PHACTR1: variants seen among roughly 807,000 people sequenced by gnomAD.
The protein encoded by PHACTR1 is phosphatase and actin regulator 1, also known as RPEL repeat containing 1.
A neutral mutation model predicts 69.2 loss-of-function variants in PHACTR1; 16 were observed. The observed-to-expected ratio is 0.23, with a 90% CI of 0.16 to 0.35. The LOEUF is 0.35. PHACTR1 is among the 10% of genes least tolerant of loss of function. The probability of loss-of-function intolerance (pLI) is 1.00; values close to 1 mark genes in which losing one functional copy is unlikely to be tolerated. For missense variants in PHACTR1, 510 were observed against 734.7 expected (o/e 0.69, Z 3.54); for synonymous variants, 312 against 284.5 (o/e 1.10, Z -0.97).
chr6:12,797,979 A>G (rs1773249721), intron 4 of PHACTR1, among the ~76,000 whole-genome samples: 1 of 150,082 alleles, frequency 6.7e-6, no homozygotes, highest in African/African-American at 2.5e-5. Flanking sequence ...TTAACATAGT[A>G]TCATTTCTTT....
At position 12,936,018 on chromosome 6, in the gene PHACTR1, C is replaced by T. The variant is rs1454459854; in HGVS notation, c.251-117347C>T. ...CACCTAGAGCTTTTGATCAAGGCTACTGCCTAATGATTTCAGCTTGAGTGT... is the reference window on the plus strand; with the variant it reads ...CACCTAGAGCTTTTGATCAAGGCTATTGCCTAATGATTTCAGCTTGAGTGT... On this transcript the variant is annotated intron_variant, in intron 4 of 14. Transcript: ENST00000332995. Among the ~76,000 whole-genome samples, 3 of 151,026 alleles carry T rather than the reference C, an allele frequency of 2.0e-5. 1 individual carries two copies.
intron 4 of PHACTR1, among the ~76,000 whole-genome samples, chr6:12,943,761 T>C (rs561179744): frequency 1.3e-5 from 2 of 152,382 alleles, no homozygotes; most frequent in South Asian, 4.1e-4. Flanking sequence ...TGTGGTTGAA[T>C]TGACACCTGT....
chr6:12,820,518 G>A (rs1343750025), intron 4 of PHACTR1, among the ~76,000 whole-genome samples: 1 of 152,124 alleles, frequency 6.6e-6, no homozygotes, highest in East Asian at 1.9e-4. Context: ...ATGAAAACTT[G>A]TTTCAGAGCA....
At chr6:13,035,520 TC>T (rs1336230986) in intron 4 of PHACTR1, among the ~76,000 whole-genome samples, 3 of 152,160 alleles carry the variant, frequency 2.0e-5, no homozygotes, top group African/African-American at 7.2e-5. Context: ...CAAGCAATTC[TC>T]TAGGTAAAAA....
rs142374407 is a variant in PHACTR1, at chr6:13,154,748, C to T, written c.416-5456C>T. 2.3e-3 allele frequency among the ~76,000 whole-genome samples: 350 copies of T among 151,752 alleles called. 3 individuals carry two copies. Among genetic ancestry groups the T allele is most frequent in the South Asian group, 0.017 (83 of 4,770 alleles). ...GATTTATCTTATCCCTGCCATCCGT[C>T]GGGCTGGTACATGACACATCACACC... On this transcript the variant is annotated intron_variant, in intron 5 of 14. Coordinates refer to ENST00000332995, the MANE Select transcript of PHACTR1 (RefSeq NM_030948.6).
chr6:13,057,270 A>G (rs1449783538), intron 5 of PHACTR1, among the ~76,000 whole-genome samples: 2 of 152,132 alleles, frequency 1.3e-5, no homozygotes, highest in East Asian at 1.9e-4. Context: ...ATATACAACT[A>G]TTGTGTATTA....
chr6:12,958,501 G>T (rs1349718686), intron 4 of PHACTR1, among the ~76,000 whole-genome samples: 1 of 152,200 alleles, frequency 6.6e-6, no homozygotes, highest in Admixed American at 6.5e-5. Flanking sequence ...TAAGGGATAG[G>T]CTTGGTGGGA....
At chr6:13,171,313 C>T (rs1033163612) in intron 6 of PHACTR1, among the ~76,000 whole-genome samples, 4 of 152,196 alleles carry the variant, frequency 2.6e-5, no homozygotes, top group African/African-American at 4.8e-5. Context: ...GCTCATCCCC[C>T]ATCCCAGCAC....
At chr6:13,228,813 C>G (rs577069762) in intron 9 of PHACTR1, among the ~76,000 whole-genome samples, 3 of 152,332 alleles carry the variant, frequency 2.0e-5, no homozygotes, top group Admixed American at 6.5e-5. Context: ...CCCAGGGCCT[C>G]ACGTCTGCTA....
chr6:12,948,310 T>C (rs1790900624), intron 4 of PHACTR1, among the ~76,000 whole-genome samples: 3 of 152,076 alleles, frequency 2.0e-5, no homozygotes, highest in South Asian at 4.1e-4. Context: ...CTGAGAAATA[T>C]AGTTGGGTTG....
intron 4 of PHACTR1, among the ~76,000 whole-genome samples, chr6:13,016,913 G>A (rs949681166): frequency 3.3e-5 from 5 of 152,150 alleles, no homozygotes; most frequent in Admixed American, 6.5e-5. Context: ...GCGGCTGGGC[G>A]CGGTGGCTCA....
chr6:13,075,369 A>G (rs951180961), intron 5 of PHACTR1, among the ~76,000 whole-genome samples: 3 of 152,154 alleles, frequency 2.0e-5, no homozygotes, highest in African/African-American at 7.2e-5. Context: ...ACCCCAGCCC[A>G]CTATAGCTTC....
chr6:12,980,384 T>A (rs551324652), intron 4 of PHACTR1, among the ~76,000 whole-genome samples: 79 of 152,230 alleles, frequency 5.2e-4, no homozygotes, highest in African/African-American at 1.7e-3. Context: ...TCTCCCCGCG[T>A]CACCCTTCCA....
At chr6:12,734,637 G>A (rs775380464) in intron 3 of PHACTR1, among the ~76,000 whole-genome samples, 3 of 152,080 alleles carry the variant, frequency 2.0e-5, no homozygotes, top group Non-Finnish European at 4.4e-5. Context: ...TCATACAAGT[G>A]AAAATTATAA....
intron 8 of PHACTR1, among the ~76,000 whole-genome samples, chr6:13,207,066 T>TGAACACATGCACACGCACATGCAC (rs1402163019): frequency 2.0e-5 from 3 of 152,218 alleles, no homozygotes; most frequent in African/African-American, 7.2e-5. Flanking sequence ...CACACATGCA[T>TGAACACATGCACACGCACATGCAC]GCACACATGC....
intron 4 of PHACTR1, among the ~76,000 whole-genome samples, chr6:12,817,654 TGA>T (rs1775736380): frequency 6.6e-6 from 1 of 152,124 alleles, no homozygotes; most frequent in East Asian, 1.9e-4. Context: ...CCTCCTGAAG[TGA>T]GAGAAAAGAG....
intron 4 of PHACTR1, among the ~76,000 whole-genome samples, chr6:12,975,785 C>T (rs904532588): frequency 2.6e-5 from 4 of 152,172 alleles, no homozygotes; most frequent in African/African-American, 9.7e-5. Context: ...TCTCACTAAA[C>T]GCTGTTGCCC....
At chr6:12,888,785 C>G (rs1243426387) in intron 4 of PHACTR1, among the ~76,000 whole-genome samples, 1 of 152,136 alleles carries the variant, frequency 6.6e-6, no homozygotes, top group Non-Finnish European at 1.5e-5. Flanking sequence ...TATATGTGTG[C>G]TTGGTGGTCA....
chr6:12,834,317 G>A (rs892288954), intron 4 of PHACTR1, among the ~76,000 whole-genome samples: 15 of 152,086 alleles, frequency 9.9e-5, no homozygotes, highest in African/African-American at 3.6e-4. Flanking sequence ...GACCTGATTG[G>A]CATAATACAT....
Sources: allele counts gnomAD v4.1 joint callset (sites outside exome capture counted in the v4.1 genomes callset), GRCh38; gene constraint gnomAD v4.1.1; transcripts MANE v1.5; gene names NCBI Gene and HGNC (gene_info 2026-07-23, HGNC 2026-07-21).